The following ADGRL1 variants were observed in gnomAD, a reference collection of about 807,000 sequenced individuals.
ADGRL1 encodes CIRL-1.
Under a neutral mutation model 148.9 loss-of-function variants are expected in ADGRL1, and 31 were observed. That is an observed-to-expected ratio of 0.21 (90% CI 0.16 to 0.28). The LOEUF (loss-of-function observed/expected upper bound fraction) is 0.28. Among genes scored for constraint, ADGRL1 ranks in the 10% least tolerant of loss-of-function variants. The pLI, the probability that ADGRL1 is intolerant of heterozygous loss-of-function variation, is 1.00. For synonymous variants in ADGRL1, 937 were observed against 900.3 expected, an observed-to-expected ratio of 1.04 and a Z score of -0.73; for missense variants, 1,521 against 2,058.8, an observed-to-expected ratio of 0.74 and a Z score of 5.05.
Position 14,157,199 on chromosome 19 carries a change from T to G in ADGRL1, c.2745+52A>C, listed in dbSNP as rs1366449452. 2 of 1,613,092 alleles carry G rather than the reference T, an allele frequency of 1.2e-6. No individual in the cohort carries two copies. Among genetic ancestry groups the G allele is most frequent in the Admixed American group, 3.3e-5 (2 of 59,984 alleles). On this transcript the variant is annotated intron_variant, in intron 14 of 22. Coordinates refer to ENST00000361434, the MANE Select transcript of ADGRL1 (RefSeq NM_014921.5). The surrounding 1 kb of genome is among the most constrained non-coding windows in gnomAD (Gnocchi z 7.5). The stretch of plus-strand genomic sequence containing the variant: ...GCTGCCTGGACAGGTGTCCCCCTTC[T>G]TCTCCCGGCCCCCAGGCGCTGGCCG...
At chr19:14,154,041 C>G (rs2144632521) in intron 18 of ADGRL1, among the ~76,000 whole-genome samples, 1 of 152,118 alleles carries the variant, frequency 6.6e-6, no homozygotes, top group East Asian at 1.9e-4. Context: ...CCCTGAGGGT[C>G]CACATCTAGG....
At chr19:14,174,043 C>T (rs912938274) in intron 3 of ADGRL1, among the ~76,000 whole-genome samples, 4 of 151,320 alleles carry the variant, frequency 2.6e-5, no homozygotes, top group Admixed American at 2.6e-4. Flanking sequence ...AGGCCCCCTA[C>T]AAGTCCTTCT....
intron 4 of ADGRL1, chr19:14,166,917 G>T: frequency 8.0e-7 from 1 of 1,253,482 alleles, no homozygotes; most frequent in Non-Finnish European, 1.2e-6. Context: ...GTGTGGGTTG[G>T]GGAGAGAAGA....
chr19:14,202,519 C>G (rs1176374111), intron 1 of ADGRL1, among the ~76,000 whole-genome samples: 6 of 152,136 alleles, frequency 3.9e-5, no homozygotes, highest in Non-Finnish European at 7.4e-5. Context: ...TCCCAAAGTG[C>G]TGGGATTACA....
intron 4 of ADGRL1, 85 bp from the exon 5 acceptor site, chr19:14,163,491 A>AGAGG: frequency 9.8e-7 from 1 of 1,020,870 alleles, no homozygotes; most frequent in Non-Finnish European, 1.4e-6. Flanking sequence ...AGAGAGAGAG[A>AGAGG]GAGAGAGGGG....
chr19:14,163,519 T>G, intron 4 of ADGRL1, 113 bp from the exon 5 acceptor site: 1 of 774,282 alleles, frequency 1.3e-6, no homozygotes, highest in Non-Finnish European at 2.0e-6. Context: ...GGCAAGTTGG[T>G]CACGCTGCTG....
At position 14,157,833 on chromosome 19, in the gene ADGRL1, AGGCCAGCAATCG is replaced by A. The variant is rs1968927839; in HGVS notation, c.2535+37_2535+48del. ...TCTCTCTAGGATGCCATGCAAAGCC[AGGCCAGCAATCG>A]GGCCTGCCTGGAGGAGCAGAGCACC... On this transcript the variant is annotated intron_variant, in intron 13 of 22. Coordinates refer to ENST00000361434, the MANE Select transcript of ADGRL1 (RefSeq NM_014921.5). The surrounding 1 kb of genome is among the most constrained non-coding windows in gnomAD (Gnocchi z 7.5). 1.2e-6 allele frequency: 2 copies of A among 1,600,056 alleles called. No homozygotes were observed. Among genetic ancestry groups the A allele is most frequent in the Admixed American group, 1.7e-5 (1 of 59,030 alleles).
Position 14,170,769 on chromosome 19 carries a change from C to T in ADGRL1, c.307G>A (p.Val103Met), listed in dbSNP as rs549520700. ...AAGGCATCCGAGCCGGCGACCACCA[C>T]GCACTGGGTGCGGTTGTTACACCTT... ...SQRCNNRTQC[V>M]VVAGSDAFPD... Residue 103 changes from valine to methionine, a missense_variant, in exon 4 of 23, where the codon GTG (valine) becomes ATG (methionine). This residue lies in a region of ADGRL1 where 334 missense variants were observed against 512.5 expected (regional missense o/e 0.65). Coordinates refer to ENST00000361434, the MANE Select transcript of ADGRL1 (RefSeq NM_014921.5). The T allele has an allele frequency of 1.1e-5, 18 of 1,608,592 alleles. No individual in the cohort carries two copies. Among genetic ancestry groups the T allele is most frequent in the African/African-American group, 6.7e-5 (5 of 74,786 alleles).
At chr19:14,183,423 A>AG in intron 2 of ADGRL1, 110 bp downstream of exon 2, 1 of 1,002,980 alleles carries the variant, frequency 1.0e-6, no homozygotes, top group Non-Finnish European at 1.5e-6. Context: ...GGGGCGGGGC[A>AG]GGGGGCTGTA....
Position 14,200,531 on chromosome 19 carries a change from AC to A in ADGRL1, c.-96+5453del, listed in dbSNP as rs535651464. Among the ~76,000 whole-genome samples, 162 of 152,294 alleles carry A rather than the reference AC, an allele frequency of 1.1e-3. 4 individuals are homozygous for A. In the South Asian group the frequency reaches 0.022, roughly 21 times the overall value. ...AAGAGAAAAGAGAACAGGCCACAGA[AC>A]CCGTCTGCGGCCCGCAAAGCTTGCA... On this transcript the variant is annotated intron_variant, in intron 1 of 22. Coordinates refer to ENST00000361434, the MANE Select transcript of ADGRL1 (RefSeq NM_014921.5).
In ADGRL1 at chr19:14,183,635, G is replaced by A. The variant is rs547995504; in HGVS notation, c.-33C>T. 2.6e-6 allele frequency: 4 copies of A among 1,547,352 alleles called. No individual in the cohort carries two copies. The highest frequency in any genetic ancestry group is 1.7e-4 in the Middle Eastern group (1 of 5,962). The stretch of plus-strand genomic sequence containing the variant: ...GCCGGGTGCGTGTCCGGAGCTCTCA[G>A]TGGCCTGTGCGGGGGGCTTTGCCCC... On this transcript the variant is annotated 5_prime_UTR_variant, in exon 2 of 23. Transcript: ENST00000361434.
At chr19:14,204,760 G>A (rs1972867996) in intron 1 of ADGRL1, among the ~76,000 whole-genome samples, 1 of 151,032 alleles carries the variant, frequency 6.6e-6, no homozygotes, top group Non-Finnish European at 1.5e-5. Context: ...GAGAGAGAGA[G>A]CGCGCGAGCC....
rs71172403 is a variant in ADGRL1, at chr19:14,183,212, A to AGAGAGAGAGAGAGAGAGC, written c.70+320_70+321insGCTCTCTCTCTCTCTCTC. ...TAATCACAGAGAGAGAGAGAGAGAGAGAGAGCGAGAGAGAGACAGAGAGAG... is the reference window on the plus strand; with the variant it reads ...TAATCACAGAGAGAGAGAGAGAGAGAGAGAGAGAGAGAGAGAGCGAGAGCGAGAGAGAGACAGAGAGAG... On this transcript the variant is annotated intron_variant, in intron 2 of 22. Transcript: ENST00000361434. 3.7e-3 allele frequency among the ~76,000 whole-genome samples: 557 copies of AGAGAGAGAGAGAGAGAGC among 151,142 alleles called. 2 individuals are homozygous for AGAGAGAGAGAGAGAGAGC. Among genetic ancestry groups the AGAGAGAGAGAGAGAGAGC allele is most frequent in the Non-Finnish European group, 4.4e-3 (301 of 67,752 alleles).
rs1050842621 is a variant in ADGRL1 at position 14,160,801 on chromosome 19, G to A, written c.1511-105C>T. 2.2e-4 allele frequency: 160 copies of A among 732,690 alleles called. No individual in the cohort carries two copies. In the South Asian group the frequency reaches 2.3e-3, roughly 11 times the overall value. The allele number at this position is 732,690 out of a possible 1,614,324, so 45.4% of individuals were successfully genotyped here. A position where few individuals can be genotyped will look rare whatever the true frequency, so the allele number is the denominator to read the frequency against. On this transcript the variant is annotated intron_variant, in intron 6 of 22. Coordinates refer to ENST00000361434, the MANE Select transcript of ADGRL1 (RefSeq NM_014921.5). The surrounding 1 kb of genome is among the most constrained non-coding windows in gnomAD (Gnocchi z 5.9). The stretch of plus-strand genomic sequence containing the variant: ...ATGACAGAGAGTGGGGGACGAGCGG[G>A]CGAAGAGGGAGGTGAGGGAAACACG...
intron 3 of ADGRL1, among the ~76,000 whole-genome samples, chr19:14,175,987 G>A (rs1385304945): frequency 1.3e-5 from 2 of 151,676 alleles, no homozygotes; most frequent in African/African-American, 4.9e-5. Flanking sequence ...CCTGGAGGTG[G>A]AGGTTGCAAT....
chr19:14,173,726 C>T, intron 3 of ADGRL1, among the ~76,000 whole-genome samples: 1 of 151,944 alleles, frequency 6.6e-6, no homozygotes, highest in East Asian at 1.9e-4. Context: ...ACTGGCAGAT[C>T]AATTGAGGTC....
chr19:14,154,115 G>A (rs1968493986), intron 18 of ADGRL1, among the ~76,000 whole-genome samples: 1 of 152,050 alleles, frequency 6.6e-6, no homozygotes, highest in African/African-American at 2.4e-5. Context: ...TAGGGGCCTG[G>A]GGTCCCCTGA....
chr19:14,204,171 C>A (rs371331082), intron 1 of ADGRL1, among the ~76,000 whole-genome samples: 1 of 152,126 alleles, frequency 6.6e-6, no homozygotes, highest in Non-Finnish European at 1.5e-5. Context: ...AGGAAAATCA[C>A]GGATAATTTT....
intron 2 of ADGRL1, among the ~76,000 whole-genome samples, chr19:14,181,786 A>G (rs1288798234): frequency 6.6e-6 from 1 of 152,140 alleles, no homozygotes; most frequent in African/African-American, 2.4e-5. Flanking sequence ...CAGTTTCCCA[A>G]TCTGTAAAAT....
Sources: gnomAD v4.1 joint callset for allele counts (sites outside exome capture counted in the v4.1 genomes callset) on GRCh38, gnomAD v4.1.1 for gene constraint, gnomAD v4.1.1 regional missense constraint, Gnocchi (gnomAD v3.1) non-coding constraint, MANE v1.5 for transcripts, NCBI Gene and HGNC (gene_info 2026-07-23, HGNC 2026-07-21) for gene names.